The following PXDC1 variants were observed in gnomAD, a reference collection of about 807,000 sequenced individuals.
The protein encoded by PXDC1 is PX domain containing 1, also known as PX domain-containing protein 1.
In PXDC1, 13 loss-of-function variants were observed where a neutral mutation model predicts 24.4. That is an observed-to-expected ratio of 0.53 (90% CI 0.35 to 0.85). The LOEUF (loss-of-function observed/expected upper bound fraction) is 0.85. Among genes scored for constraint, PXDC1 ranks in the 40% least tolerant of loss-of-function variants. PXDC1 has a pLI of 0.01. For synonymous variants in PXDC1, 162 were observed against 124.9 expected (o/e 1.30, Z -1.98); for missense variants, 344 against 309.3 (o/e 1.11, Z -0.84).
chr6:3,739,220 G>C, intron 1 of PXDC1: 2 of 928,940 alleles, frequency 2.2e-6, no homozygotes, highest in Non-Finnish European at 2.7e-6. Flanking sequence ...AGAGGTCCCA[G>C]AGCATACAGT....
intron 4 of PXDC1, among the ~76,000 whole-genome samples, chr6:3,726,296 G>A (rs951714209): frequency 7.9e-5 from 12 of 152,186 alleles, no homozygotes; most frequent in Admixed American, 4.6e-4. Context: ...GTACCTCCAC[G>A]GTGCCAGCCT....
At chr6:3,750,679 C>T (rs973197564) in intron 1 of PXDC1, among the ~76,000 whole-genome samples, 3 of 152,208 alleles carry the variant, frequency 2.0e-5, no homozygotes, top group Admixed American at 2.0e-4. Context: ...GGGGACCAGC[C>T]CTGGCGGGGG....
At chr6:3,748,336 GAGA>G (rs1760614410) in intron 1 of PXDC1, among the ~76,000 whole-genome samples, 2 of 152,134 alleles carry the variant, frequency 1.3e-5, no homozygotes, top group African/African-American at 4.8e-5. Flanking sequence ...AATCTGGATG[GAGA>G]AGAAGGTCGG....
In PXDC1 at chr6:3,729,906, G is replaced by A. The variant is rs186264478; in HGVS notation, c.467-2244C>T. Reference sequence around the variant, plus strand: ...GCAAATCACTTCTGAATAAAATTCTGAAGAGTTACTTTACATGCCTAATCT... The same window carrying A: ...GCAAATCACTTCTGAATAAAATTCTAAAGAGTTACTTTACATGCCTAATCT... On this transcript the variant is annotated intron_variant, in intron 3 of 4. Coordinates refer to ENST00000380283, the MANE Select transcript of PXDC1 (RefSeq NM_183373.4). Among the ~76,000 whole-genome samples the A allele has an allele frequency of 3.3e-5, 5 of 152,316 alleles. No individual in the cohort carries two copies. In the East Asian group the frequency reaches 9.6e-4, roughly 29 times the overall value.
At position 3,737,230 on chromosome 6, in the gene PXDC1, C is replaced by G. The variant is rs1581246714; in HGVS notation, c.349-34G>C. 2 of 1,452,706 alleles carry G rather than the reference C, an allele frequency of 1.4e-6. No individual in the cohort carries two copies. Among genetic ancestry groups the G allele is most frequent in the East Asian group, 4.5e-5 (2 of 44,166 alleles). 90.0% of individuals were successfully genotyped at this position (1,452,706 alleles called of 1,614,324 possible). ...AAATGCAGGGATTACTAAAAACGAT[C>G]AGCCTCTACACGTTGGCCCTGTCTG... On this transcript the variant is annotated intron_variant, in intron 2 of 4. Coordinates refer to ENST00000380283, the MANE Select transcript of PXDC1 (RefSeq NM_183373.4). The surrounding 1 kb of genome is among the most constrained non-coding windows in gnomAD (Gnocchi z 5.5).
At chr6:3,750,230 G>A (rs977703978) in intron 1 of PXDC1, among the ~76,000 whole-genome samples, 3 of 152,238 alleles carry the variant, frequency 2.0e-5, no homozygotes, top group African/African-American at 7.2e-5. Context: ...AGGAGGCTGG[G>A]GAGACTTGGA....
rs1760050867 is a variant in PXDC1, at chr6:3,725,799, A to G, written c.578+1752T>C. 6.6e-6 allele frequency among the ~76,000 whole-genome samples: 1 copy of G among 152,230 alleles called. No individual in the cohort carries two copies. Among genetic ancestry groups the G allele is most frequent in the Admixed American group, 6.5e-5 (1 of 15,288 alleles). On this transcript the variant is annotated intron_variant, in intron 4 of 4. Transcript: ENST00000380283. The surrounding 1 kb of genome is among the most constrained non-coding windows in gnomAD (Gnocchi z 4.8). ...CTGCACTGCCCGAGATTGAGGAGCC[A>G]GAGAAAGGCCCGGCAAGCCCAAGTC...
At chr6:3,730,123 CT>C (rs765753018) in intron 3 of PXDC1, among the ~76,000 whole-genome samples, 134 of 152,278 alleles carry the variant, frequency 8.8e-4, no homozygotes, top group Non-Finnish European at 1.6e-3. Context: ...CTGCATGGAC[CT>C]TGCTGTCTCA....
intron 1 of PXDC1, among the ~76,000 whole-genome samples, chr6:3,749,696 T>C (rs927476341): frequency 6.6e-6 from 1 of 152,044 alleles, no homozygotes; most frequent in Non-Finnish European, 1.5e-5. Flanking sequence ...GAACCTGCTC[T>C]TGTTAGACCC....
chr6:3,729,274 T>G (rs774060986), intron 3 of PXDC1, among the ~76,000 whole-genome samples: 3 of 152,232 alleles, frequency 2.0e-5, no homozygotes, highest in Non-Finnish European at 4.4e-5. Flanking sequence ...TTCTTTGAAC[T>G]GCTTTCCATA....
Position 3,751,343 on chromosome 6 carries a change from C to T in PXDC1, c.189G>A (p.Leu63=), listed in dbSNP as rs1760713463. 1 of 1,552,902 alleles carries T rather than the reference C, an allele frequency of 6.4e-7. No individual in the cohort carries two copies. Residue 63 remains leucine, a synonymous_variant, in exon 1 of 5, where the codon CTG becomes CTA. Coordinates refer to ENST00000380283, the MANE Select transcript of PXDC1 (RefSeq NM_183373.4). ...LHRSLADLGR[L]WQRLRDAFPE... ...GAAAGGCGTCGCGCAGGCGCTGCCA[C>T]AGGCGGCCCAGGTCCGCCAGGCTGC...
At chr6:3,745,493 G>A (rs1760549705) in intron 1 of PXDC1, among the ~76,000 whole-genome samples, 2 of 152,224 alleles carry the variant, frequency 1.3e-5, no homozygotes, top group African/African-American at 4.8e-5. Context: ...GAACTTGCCT[G>A]GAATGACATG....
rs746357823 is a variant in PXDC1, at chr6:3,737,208, T to A, written c.349-12A>T. 1.9e-6 allele frequency: 3 copies of A among 1,560,820 alleles called. No homozygotes were observed. The highest frequency in any genetic ancestry group is 2.7e-6 in the Non-Finnish European group (3 of 1,131,398). On this transcript the variant is annotated splice_polypyrimidine_tract_variant and intron_variant, in intron 2 of 4. Transcript: ENST00000380283. The surrounding 1 kb of genome is among the most constrained non-coding windows in gnomAD (Gnocchi z 5.5). ...TCCGATCTAGAATACTGGGGAGAAA[T>A]GCAGGGATTACTAAAAACGATCAGC...
At chr6:3,749,717 C>T (rs1760656261) in intron 1 of PXDC1, among the ~76,000 whole-genome samples, 1 of 152,086 alleles carries the variant, frequency 6.6e-6, no homozygotes, top group South Asian at 2.1e-4. Context: ...TCTACCATGC[C>T]TTTCAGTCCT....
intron 1 of PXDC1, among the ~76,000 whole-genome samples, chr6:3,749,028 T>C (rs1760637098): frequency 6.6e-6 from 1 of 152,166 alleles, no homozygotes; most frequent in Non-Finnish European, 1.5e-5. Flanking sequence ...GGCAAACAAT[T>C]TCCCTGGACT....
Position 3,751,667 on chromosome 6 carries a change from C to T in PXDC1, c.-136G>A. 8.0e-7 allele frequency: 1 copy of T among 1,246,296 alleles called. No homozygotes were observed. The highest frequency in any genetic ancestry group is 1.0e-6 in the Non-Finnish European group (1 of 987,864). 77.2% of individuals were successfully genotyped at this position (1,246,296 alleles called of 1,614,324 possible). A position where few individuals can be genotyped will look rare whatever the true frequency, so the allele number is the denominator to read the frequency against. Reference sequence around the variant, plus strand: ...GGGTCGGCCCGTCACTCCAAGGAGGCTGCGTATGGCCCGCGTTCGGGGCAG... The same window carrying T: ...GGGTCGGCCCGTCACTCCAAGGAGGTTGCGTATGGCCCGCGTTCGGGGCAG... On this transcript the variant is annotated 5_prime_UTR_variant, in exon 1 of 5. Transcript: ENST00000380283.
At chr6:3,738,818 CG>C in intron 1 of PXDC1, 1 of 1,303,248 alleles carries the variant, frequency 7.7e-7, no homozygotes, top group Non-Finnish European at 1.0e-6. Context: ...CATGAAGGCT[CG>C]GGTGCTTTTC....
In PXDC1 at chr6:3,723,657, AAT is replaced by A; in HGVS notation, c.656_657del (p.Tyr219LeufsTer56). ...TCTGTCTCGAAGGGGACCAGGTGGT[AAT>A]ATGACAGGTTGGTGACGTAGGCTGC... ...DPAAYVTNLSYYHLVPFETDI... is the reference protein window; with the variant it reads ...DPAAYVTNLSXYHLVPFETDI... On this transcript the variant is annotated frameshift_variant, in exon 5 of 5. Coordinates refer to ENST00000380283, the MANE Select transcript of PXDC1 (RefSeq NM_183373.4). LOFTEE classifies it high-confidence loss of function. 2 of 1,614,196 alleles carry A rather than the reference AAT, an allele frequency of 1.2e-6. No individual in the cohort carries two copies. The highest frequency in any genetic ancestry group is 1.7e-6 in the Non-Finnish European group (2 of 1,180,018).
intron 1 of PXDC1, among the ~76,000 whole-genome samples, chr6:3,749,558 C>G (rs1760652976): frequency 6.6e-6 from 1 of 151,250 alleles, no homozygotes; most frequent in African/African-American, 2.4e-5. Flanking sequence ...GCCCCTCCCT[C>G]CTGCTCCAGG....
Sources: gnomAD v4.1 joint callset for allele counts (sites outside exome capture counted in the v4.1 genomes callset) on GRCh38, gnomAD v4.1.1 for gene constraint, Gnocchi (gnomAD v3.1) non-coding constraint, MANE v1.5 for transcripts, NCBI Gene and HGNC (gene_info 2026-07-23, HGNC 2026-07-21) for gene names.